The following IQSEC1 variants were observed in gnomAD, a reference collection of about 807,000 sequenced individuals.
The protein encoded by IQSEC1 is IQ motif and Sec7 domain ArfGEF 1.
Under a neutral mutation model 91.0 loss-of-function variants are expected in IQSEC1, and 31 were observed. That is an observed-to-expected ratio of 0.34 (90% CI 0.26 to 0.46). IQSEC1 has a LOEUF of 0.46. Among genes scored for constraint, IQSEC1 ranks in the 20% least tolerant of loss-of-function variants. IQSEC1 has a pLI of 1.00. For synonymous variants in IQSEC1, 699 were observed against 662.6 expected, an observed-to-expected ratio of 1.05 and a Z score of -0.84; for missense variants, 1,388 against 1,575.6, an observed-to-expected ratio of 0.88 and a Z score of 2.02.
chr3:12,985,104 G>GCATCCTGAGCCAGCCAGATTACAGGC (rs1282146641), intron 1 of IQSEC1, among the ~76,000 whole-genome samples: 29 of 152,194 alleles, frequency 1.9e-4, no homozygotes, highest in Non-Finnish European at 4.0e-4. Flanking sequence ...GATTACAGGC[G>GCATCCTGAGCCAGCCAGATTACAGGC]TGAGCCACCG....
intron 1 of IQSEC1, among the ~76,000 whole-genome samples, chr3:13,208,010 T>C (rs1358964377): frequency 1.3e-5 from 2 of 152,180 alleles, no homozygotes; most frequent in South Asian, 2.1e-4. Flanking sequence ...TGTATGTTTC[T>C]ATCACAGACA....
Position 12,954,232 on chromosome 3 carries a change from A to G in IQSEC1, c.24-12367T>C, listed in dbSNP as rs1160402628. 2.0e-5 allele frequency among the ~76,000 whole-genome samples: 3 copies of G among 152,216 alleles called. No individual in the cohort carries two copies. In the East Asian group the frequency reaches 5.8e-4, roughly 29 times the overall value. On this transcript the variant is annotated intron_variant, in intron 1 of 13. Transcript: ENST00000613206. ...CACGGCTGCTGTGAGACCCTCTCTC[A>G]CTCAAAGAGCCCAGGAACCTGAGTG... is the stretch of plus-strand genomic sequence containing the variant.
In IQSEC1 at chr3:12,941,245, T is replaced by C. The variant is rs531272313; in HGVS notation, c.318+326A>G. Among the ~76,000 whole-genome samples, 9 of 152,294 alleles carry C rather than the reference T, an allele frequency of 5.9e-5. No individual in the cohort carries two copies. The South Asian group carries it at 1.9e-3, about 32-fold the overall frequency. ...GGGCCTCATGCTCAGACACCTATCA[T>C]GGCCCCCCAGATCTGGGCCATGCGG... On this transcript the variant is annotated intron_variant, in intron 2 of 13. Coordinates refer to ENST00000613206, the MANE Select transcript of IQSEC1 (RefSeq NM_001134382.3).
At chr3:12,941,339 G>T (rs528855863) in intron 2 of IQSEC1, among the ~76,000 whole-genome samples, 1 of 152,172 alleles carries the variant, frequency 6.6e-6, no homozygotes, top group South Asian at 2.1e-4. Flanking sequence ...CAGAAGGAAC[G>T]CCAGACAACC....
At chr3:13,010,800 C>T (rs114140571) in intron 1 of IQSEC1, among the ~76,000 whole-genome samples, 3,296 of 152,288 alleles carry the variant, frequency 0.022, 55 homozygotes, top group African/African-American at 0.036. Flanking sequence ...GGGCTCTGGG[C>T]CCCACTTGCC....
At chr3:13,041,170 T>C (rs1193086727) in intron 1 of IQSEC1, among the ~76,000 whole-genome samples, 1 of 150,644 alleles carries the variant, frequency 6.6e-6, no homozygotes, top group Non-Finnish European at 1.5e-5. Flanking sequence ...AGACACCGAA[T>C]CACTGACAGC....
chr3:12,969,146 C>T (rs1453415037), intron 1 of IQSEC1, among the ~76,000 whole-genome samples: 1 of 152,126 alleles, frequency 6.6e-6, no homozygotes, highest in Non-Finnish European at 1.5e-5. Context: ...AATGAAGACA[C>T]AGAATGGGGG....
Position 12,899,691 on chromosome 3 carries a change from G to A in IQSEC1, c.*1292C>T, listed in dbSNP as rs925330347. ...GCTACATGGAATTACGGTGATCACT[G>A]CTACCACTCAGAAAACAAAACGGGA... On this transcript the variant is annotated 3_prime_UTR_variant, in exon 14 of 14. Transcript: ENST00000613206. 3.0e-6 allele frequency: 3 copies of A among 985,444 alleles called. No individual in the cohort carries two copies. The South Asian group carries it at 1.4e-4, about 46-fold the overall frequency. The allele number at this position is 985,444 out of a possible 1,614,324, so 61.0% of individuals were successfully genotyped here. A position where few individuals can be genotyped will look rare whatever the true frequency, so the allele number is the denominator to read the frequency against.
Position 12,909,553 on chromosome 3 carries a change from G to C in IQSEC1, c.2417-119C>G. On this transcript the variant is annotated intron_variant, in intron 10 of 13. Coordinates refer to ENST00000613206, the MANE Select transcript of IQSEC1 (RefSeq NM_001134382.3). The surrounding 1 kb of genome is among the most constrained non-coding windows in gnomAD (Gnocchi z 4.9). ...TGTGCGTGAGCCTGGGATAAGTGCC[G>C]GGAGTCCAGCCTCCGCAGTGGCAGG... 2.0e-6 allele frequency: 2 copies of C among 1,008,382 alleles called. No homozygotes were observed. The highest frequency in any genetic ancestry group is 2.9e-6 in the Non-Finnish European group (2 of 680,998). The allele number at this position is 1,008,382 out of a possible 1,614,324, so 62.5% of individuals were successfully genotyped here.
chr3:12,974,532 A>G (rs1001044553), intron 1 of IQSEC1, among the ~76,000 whole-genome samples: 7 of 152,202 alleles, frequency 4.6e-5, no homozygotes, highest in Admixed American at 1.3e-4. Context: ...GTGGTGTCTT[A>G]AGGGCAGCTA....
chr3:13,107,362 G>GC (rs1462192636), intron 2 of IQSEC1, among the ~76,000 whole-genome samples: 2 of 152,178 alleles, frequency 1.3e-5, no homozygotes, highest in African/African-American at 4.8e-5. Context: ...ACAGGACCAT[G>GC]CCCCCTGCGG....
upstream of IQSEC1, among the ~76,000 whole-genome samples, chr3:13,074,157 G>A (rs1705522996): frequency 6.6e-6 from 1 of 152,246 alleles, no homozygotes; most frequent in South Asian, 2.1e-4. Flanking sequence ...AGCAGGAAGA[G>A]GGGAGGCAGG....
intron 1 of IQSEC1, among the ~76,000 whole-genome samples, chr3:13,170,507 C>T (rs946743964): frequency 5.3e-5 from 8 of 152,284 alleles, no homozygotes; most frequent in Non-Finnish European, 1.0e-4. Context: ...GCTTGCACCA[C>T]GTGTCTGGAA....
chr3:12,975,522 T>C (rs1252863361), intron 1 of IQSEC1, among the ~76,000 whole-genome samples: 4 of 152,190 alleles, frequency 2.6e-5, no homozygotes, highest in Admixed American at 6.5e-5. Context: ...GAATAACTTA[T>C]GTAAGGCCAC....
intron 3 of IQSEC1, among the ~76,000 whole-genome samples, chr3:12,927,677 G>A (rs548300062): frequency 4.3e-4 from 65 of 152,368 alleles, no homozygotes; most frequent in African/African-American, 1.2e-3. Flanking sequence ...AAGCGGGCAC[G>A]TGGGCTCTTC....
chr3:12,913,768 C>G (rs1177814252), intron 8 of IQSEC1, among the ~76,000 whole-genome samples: 1 of 152,218 alleles, frequency 6.6e-6, no homozygotes, highest in Non-Finnish European at 1.5e-5. Flanking sequence ...ATTTAAAATC[C>G]CGTATCTCTG....
chr3:13,238,121 C>T (rs1231476865), intron 1 of IQSEC1, among the ~76,000 whole-genome samples: 1 of 152,230 alleles, frequency 6.6e-6, no homozygotes, highest in Non-Finnish European at 1.5e-5. Context: ...CGTGCCCCAA[C>T]CAACTAGCTG....
At chr3:13,170,315 G>A (rs1375155300) in intron 1 of IQSEC1, among the ~76,000 whole-genome samples, 3 of 152,286 alleles carry the variant, frequency 2.0e-5, no homozygotes, top group African/African-American at 7.2e-5. Context: ...TTCAGAGGAT[G>A]TATGGAAACG....
rs755905106 is a variant in IQSEC1, at chr3:12,935,472, C to T, written c.1544G>A (p.Arg515His). 1.9e-6 allele frequency: 3 copies of T among 1,612,940 alleles called. No homozygotes were observed. Among genetic ancestry groups the T allele is most frequent in the Non-Finnish European group, 1.7e-6 (2 of 1,179,158 alleles). Reference protein sequence around the residue: ...SNDVIRKRHYRIGLNLFNKKP... With the variant: ...SNDVIRKRHYHIGLNLFNKKP... ...CTTGTTGAAGAGGTTCAGGCCGATG[C>T]GGTAGTGCCTCTTGCGGATGACATC... The change falls in exon 3 of 14, where the codon CGC becomes CAC. Residue 515 changes from arginine to histidine, a missense_variant. Around this residue, in one of 2 missense-constraint regions of IQSEC1, gnomAD observed 1,059 missense variants for 1,317.8 expected, o/e 0.80. Coordinates refer to ENST00000613206, the MANE Select transcript of IQSEC1 (RefSeq NM_001134382.3). This position sits in a 1 kb window ranked among gnomAD's most constrained non-coding sequence, Gnocchi z 8.0.
Sources: gnomAD v4.1 joint callset for allele counts (sites outside exome capture counted in the v4.1 genomes callset) on GRCh38, gnomAD v4.1.1 for gene constraint, gnomAD v4.1.1 regional missense constraint, Gnocchi (gnomAD v3.1) non-coding constraint, MANE v1.5 for transcripts, NCBI Gene and HGNC (gene_info 2026-07-23, HGNC 2026-07-21) for gene names.